The following AMMECR1 variants were observed in gnomAD, a reference collection of about 807,000 sequenced individuals.
AMMECR1 encodes the protein AMMECR nuclear protein 1, also known as nuclear protein AMMECR1.
Under a neutral mutation model 22.5 loss-of-function variants are expected in AMMECR1, and 3 were observed. The ratio of observed to expected loss-of-function variants is 0.13; its 90% CI spans 0.06 to 0.35. AMMECR1 has a LOEUF of 0.35. AMMECR1 is among the 10% of genes least tolerant of loss of function. The pLI is 1.00. For synonymous variants in AMMECR1, 130 were observed against 116.7 expected (o/e 1.11, Z -0.74); for missense variants, 235 against 278.7 (o/e 0.84, Z 1.12).
At chrX:110,410,165 G>A (rs148789669) in intron 2 of AMMECR1, among the ~76,000 whole-genome samples, 1 of 111,532 alleles carries the variant, frequency 9.0e-6, no homozygotes, top group Admixed American at 9.5e-5. Flanking sequence ...CACAGAGCAA[G>A]TCATGGCAGA....
At chrX:110,331,911 CCTT>C (rs1395694753) in intron 2 of AMMECR1, among the ~76,000 whole-genome samples, 1 of 111,370 alleles carries the variant, frequency 9.0e-6, no homozygotes, top group Admixed American at 9.5e-5. Flanking sequence ...TATTTTATCC[CCTT>C]CTTTGCCCAT....
At chrX:110,343,598 T>C (rs148199190) in intron 2 of AMMECR1, among the ~76,000 whole-genome samples, 10,023 of 110,786 alleles carry the variant, frequency 0.09, 1,157 homozygotes, top group African/African-American at 0.31. Flanking sequence ...AAAACCCCAT[T>C]GTCTCAGCCC....
At chrX:110,272,876 G>A (rs2067806717) in intron 1 of AMMECR1, among the ~76,000 whole-genome samples, 2 of 111,901 alleles carry the variant, frequency 1.8e-5, no homozygotes, top group African/African-American at 6.5e-5. Context: ...ATTTCATGGT[G>A]CATGACACAC....
At chrX:110,207,777 T>C (rs2067428716) in intron 3 of AMMECR1, among the ~76,000 whole-genome samples, 1 of 111,922 alleles carries the variant, frequency 8.9e-6, no homozygotes, top group Admixed American at 9.5e-5. Flanking sequence ...TTGTAAACCT[T>C]AGAAACTGTA....
intron 1 of AMMECR1, among the ~76,000 whole-genome samples, chrX:110,276,239 A>G (rs1158493761): frequency 1.8e-5 from 2 of 111,822 alleles, no homozygotes; most frequent in Non-Finnish European, 3.8e-5. Context: ...TTGGTTCTTT[A>G]TATGTCTTTC....
chrX:110,438,431 C>T (rs997924722), intron 1 of AMMECR1, among the ~76,000 whole-genome samples: 12 of 111,429 alleles, frequency 1.1e-4, no homozygotes, highest in African/African-American at 2.9e-4. Context: ...AATCAGAATC[C>T]GTAATCTGCC....
intron 2 of AMMECR1, among the ~76,000 whole-genome samples, chrX:110,262,540 C>G (rs2067747227): frequency 8.9e-6 from 1 of 112,467 alleles, no homozygotes; most frequent in African/African-American, 3.2e-5. Flanking sequence ...GAAAATTATA[C>G]TGTAATTCTT....
rs879163620 is a variant in AMMECR1, at chrX:110,198,293, C to CAA, written c.*225_*226dup. 1.7e-5 allele frequency: 4 copies of CAA among 237,659 alleles called. No individual in the cohort carries two copies. The highest frequency in any genetic ancestry group is 5.4e-4 in the South Asian group (2 of 3,714). The allele number at this position is 237,659 out of a possible 1,213,427, so 19.6% of individuals were successfully genotyped here. On this transcript the variant is annotated 3_prime_UTR_variant, in exon 6 of 6. Transcript: ENST00000262844. ...AAAAAACCCAAAATTATATATGCTG[C>CAA]AAAAAAAAAATCAACGATCTAAAAT...
intron 2 of AMMECR1, among the ~76,000 whole-genome samples, chrX:110,237,016 C>T (rs1039841019): frequency 4.5e-5 from 5 of 111,503 alleles, no homozygotes; most frequent in African/African-American, 1.3e-4. Context: ...TATCACCCCC[C>T]TGGAAAACAC....
At position 110,196,731 on chromosome X, in the gene AMMECR1, C is replaced by T. The variant is rs779327171; in HGVS notation, c.*1789G>A. 1.8e-5 allele frequency: 2 copies of T among 111,882 alleles called. No individual in the cohort carries two copies. The highest frequency in any genetic ancestry group is 3.8e-5 in the Non-Finnish European group (2 of 53,126). The allele number at this position is 111,882 out of a possible 1,213,427, so 9.2% of individuals were successfully genotyped here. On this transcript the variant is annotated 3_prime_UTR_variant, in exon 6 of 6. Transcript: ENST00000262844. ...CTGTGGATGAAGGAATACCAACAAA[C>T]TTCTAAGAACTCTCATCAAAAACTA... is the stretch of plus-strand genomic sequence containing the variant.
At position 110,298,522 on chromosome X, in the gene AMMECR1, G is replaced by T. The variant is rs564047508; in HGVS notation, c.473+19077C>A. Among the ~76,000 whole-genome samples, 32 of 110,877 alleles carry T rather than the reference G, an allele frequency of 2.9e-4. No individual in the cohort carries two copies. In the South Asian group the frequency reaches 0.011, roughly 40 times the overall value. ...CTTATACCTTTGTGTGTGGTTGGTG[G>T]GGGAGAGAGAGAGAAGAGTAAGCGA... On this transcript the variant is annotated intron_variant, in intron 1 of 5. Transcript: ENST00000262844.
rs2068093780 is a variant in AMMECR1 at position 110,325,278 on chromosome X, A to G, written c.-147-7429T>C. On this transcript the variant is annotated intron_variant, in intron 2 of 7. Coordinates refer to the AMMECR1 transcript ENST00000372057. ...AAATGGGATATGCATCACCTGAAGC[A>G]TTTGTCATTTTTTTGCATTACAAAC... is the stretch of plus-strand genomic sequence containing the variant. 2.7e-5 allele frequency among the ~76,000 whole-genome samples: 3 copies of G among 112,215 alleles called. No homozygotes were observed. The South Asian group carries it at 1.1e-3, about 42-fold the overall frequency.
At chrX:110,212,541 T>G (rs759243323) in intron 3 of AMMECR1, among the ~76,000 whole-genome samples, 28 of 112,157 alleles carry the variant, frequency 2.5e-4, no homozygotes, top group Non-Finnish European at 4.1e-4. Context: ...TCTTCAACTT[T>G]AACATTCTGT....
chrX:110,267,545 A>G (rs1193246753), intron 1 of AMMECR1, among the ~76,000 whole-genome samples: 1 of 111,751 alleles, frequency 8.9e-6, no homozygotes, highest in Non-Finnish European at 1.9e-5. Context: ...GCAGCTTCAG[A>G]ATGAAGTGAA....
rs113947141 is a variant in AMMECR1 at position 110,409,646 on chromosome X, G to GTT, written c.-148+17010_-148+17011dup. 8.0e-4 allele frequency among the ~76,000 whole-genome samples: 81 copies of GTT among 101,233 alleles called. 1 individual carries two copies. The highest frequency in any genetic ancestry group is 2.7e-3 in the African/African-American group (76 of 27,864). The allele number at this position is 101,233 out of a possible 115,157, so 87.9% of individuals were successfully genotyped here. A position where few individuals can be genotyped will look rare whatever the true frequency, so the allele number is the denominator to read the frequency against. The stretch of plus-strand genomic sequence containing the variant: ...CCATTTTTCTGTTGTTGCTGCTGCT[G>GTT]TTTTTTTTTTTTCACTCCCCTGATC... On this transcript the variant is annotated intron_variant, in intron 2 of 7. Coordinates refer to the AMMECR1 transcript ENST00000372057.
At chrX:110,379,533 T>C (rs1037658648) in intron 2 of AMMECR1, among the ~76,000 whole-genome samples, 7 of 111,957 alleles carry the variant, frequency 6.3e-5, no homozygotes, top group Middle Eastern at 4.6e-3. Context: ...GTGACTCAAC[T>C]TCCCAAGCAT....
chrX:110,369,248 C>A (rs1277903303), intron 2 of AMMECR1, among the ~76,000 whole-genome samples: 3 of 111,161 alleles, frequency 2.7e-5, no homozygotes, highest in African/African-American at 6.6e-5. Context: ...AGGAGAATTG[C>A]TTGAACCCGG....
At position 110,246,863 on chromosome X, in the gene AMMECR1, T is replaced by G. The variant is rs774816597; in HGVS notation, c.584+17626A>C. On this transcript the variant is annotated intron_variant, in intron 2 of 5. Transcript: ENST00000262844. ...TATTTGCTTTGAATTTTTTAAACTTTTTGGAGGGTTTTCTTAGTCTTGAAC... is the reference window on the plus strand; with the variant it reads ...TATTTGCTTTGAATTTTTTAAACTTGTTGGAGGGTTTTCTTAGTCTTGAAC... Among the ~76,000 whole-genome samples the G allele has an allele frequency of 4.5e-5, 5 of 112,209 alleles. No individual in the cohort carries two copies. The East Asian group carries it at 1.4e-3, about 31-fold the overall frequency.
intron 1 of AMMECR1, among the ~76,000 whole-genome samples, chrX:110,314,474 G>C (rs1445773456): frequency 9.0e-6 from 1 of 111,471 alleles, no homozygotes; most frequent in East Asian, 2.8e-4. Context: ...CCCCATTCAA[G>C]TCCAATTAAA....
Sources: gnomAD v4.1 joint callset for allele counts (sites outside exome capture counted in the v4.1 genomes callset) on GRCh38, gnomAD v4.1.1 for gene constraint, MANE v1.5 for transcripts, NCBI Gene and HGNC (gene_info 2026-07-23, HGNC 2026-07-21) for gene names.